PRKCA: variants seen among roughly 807,000 people sequenced by gnomAD.
PRKCA encodes the protein protein kinase C alpha type.
A neutral mutation model predicts 87.0 loss-of-function variants in PRKCA; 27 were observed. The observed-to-expected ratio is 0.31, with a 90% CI of 0.23 to 0.43. The LOEUF (loss-of-function observed/expected upper bound fraction) is 0.43, where lower values mean the gene tolerates loss of function less well. Ranked by LOEUF, PRKCA falls within the 20% of genes least tolerant of loss-of-function variation. The pLI, the probability that PRKCA is intolerant of heterozygous loss-of-function variation, is 1.00. For missense variants in PRKCA, 518 were observed against 852.3 expected, an observed-to-expected ratio of 0.61 and a Z score of 4.88; for synonymous variants, 329 against 311.1, an observed-to-expected ratio of 1.06 and a Z score of -0.61.
intron 13 of PRKCA, among the ~76,000 whole-genome samples, chr17:66,751,100 CAG>C (rs1974416777): frequency 6.6e-6 from 1 of 152,220 alleles, no homozygotes; most frequent in African/African-American, 2.4e-5. Flanking sequence ...AAAAGTGGGT[CAG>C]AGATTTCTGA....
chr17:66,780,174 A>G (rs1975171428), intron 14 of PRKCA, among the ~76,000 whole-genome samples: 1 of 152,152 alleles, frequency 6.6e-6, no homozygotes, highest in South Asian at 2.1e-4. Context: ...GAAGAAAACA[A>G]TGATATGCAC....
At chr17:66,682,414 C>T (rs1041036027) in intron 5 of PRKCA, among the ~76,000 whole-genome samples, 1 of 152,250 alleles carries the variant, frequency 6.6e-6, no homozygotes, top group Non-Finnish European at 1.5e-5. Context: ...TGGCCAGTGC[C>T]GTGGCACAGA....
intron 2 of PRKCA, among the ~76,000 whole-genome samples, chr17:66,434,720 G>A (rs1913282871): frequency 1.3e-5 from 2 of 152,158 alleles, no homozygotes; most frequent in Admixed American, 6.5e-5. Flanking sequence ...TCCTCGGCTT[G>A]TTAGCTGCAT....
At chr17:66,604,271 C>A (rs1488768261) in intron 3 of PRKCA, among the ~76,000 whole-genome samples, 2 of 151,702 alleles carry the variant, frequency 1.3e-5, no homozygotes, top group East Asian at 1.9e-4. Context: ...GCCTGGGAAA[C>A]AGGGAGGGTT....
intron 3 of PRKCA, among the ~76,000 whole-genome samples, chr17:66,543,359 T>A (rs1198078406): frequency 3.3e-5 from 5 of 152,226 alleles, no homozygotes; most frequent in Admixed American, 3.3e-4. Flanking sequence ...CTAGTCATTT[T>A]ATTATTTATA....
At chr17:66,473,011 A>T (rs1915387589) in intron 2 of PRKCA, among the ~76,000 whole-genome samples, 1 of 152,102 alleles carries the variant, frequency 6.6e-6, no homozygotes, top group South Asian at 2.1e-4. Context: ...AGCACCACCA[A>T]AAATAATAAC....
chr17:66,774,309 G>A, intron 14 of PRKCA: 1 of 1,348,192 alleles, frequency 7.4e-7, no homozygotes, highest in Non-Finnish European at 9.6e-7. Flanking sequence ...TGTAGACAGT[G>A]TCAGTTTCAC....
At position 66,671,429 on chromosome 17, in the gene PRKCA, C is replaced by T. The variant is rs58150004; in HGVS notation, c.530-15682C>T. ...AATCTCTCCAAGCCTCAGCTTTCCT[C>T]GTCTATAAAATGTGGATACCAAGTA... On this transcript the variant is annotated intron_variant, in intron 5 of 16. Transcript: ENST00000413366. 6.2e-3 allele frequency among the ~76,000 whole-genome samples: 943 copies of T among 152,048 alleles called. 11 individuals carry two copies. The highest frequency in any genetic ancestry group is 0.022 in the African/African-American group (911 of 41,430).
At chr17:66,746,770 T>C (rs1974298176) in intron 13 of PRKCA, among the ~76,000 whole-genome samples, 1 of 152,220 alleles carries the variant, frequency 6.6e-6, no homozygotes, top group South Asian at 2.1e-4. Flanking sequence ...CAGAGGGTCC[T>C]CTTTGCTTTG....
chr17:66,679,400 C>G (rs1972429902), intron 5 of PRKCA, among the ~76,000 whole-genome samples: 1 of 152,148 alleles, frequency 6.6e-6, no homozygotes, highest in African/African-American at 2.4e-5. Flanking sequence ...CCAGGATGGT[C>G]TCAATCTCCT....
intron 2 of PRKCA, among the ~76,000 whole-genome samples, chr17:66,410,700 C>T (rs1233326729): frequency 6.6e-6 from 1 of 151,996 alleles, no homozygotes; most frequent in African/African-American, 2.4e-5. Flanking sequence ...CTCAGCCTCC[C>T]GAGTAGCTGG....
chr17:66,741,709 G>C lies in PRKCA; in HGVS notation c.1373G>C (p.Gly458Ala), dbSNP rs916837548. 4.3e-6 allele frequency: 7 copies of C among 1,614,016 alleles called. No individual in the cohort carries two copies. In the Admixed American group the frequency reaches 6.7e-5, roughly 15 times the overall value. Residue 458 changes from glycine (G) to alanine (A), a missense_variant, in exon 12 of 17, where the codon GGA becomes GCA. By Grantham distance (60) the Gly-to-Ala change is moderately conservative. This residue lies in a region of PRKCA where 300 missense variants were observed against 496.8 expected (regional missense o/e 0.60). Coordinates refer to ENST00000413366, the MANE Select transcript of PRKCA (RefSeq NM_002737.3). ...SIGLFFLHKR[G>A]IIYRDLKLDN... is the part of the protein sequence containing the mutation. ...GGATTGTTCTTTCTTCATAAAAGAG[G>C]AATCATTTATAGGTGTGTATTGAAG...
intron 3 of PRKCA, among the ~76,000 whole-genome samples, chr17:66,547,226 T>C (rs1567890474): frequency 6.6e-6 from 1 of 152,192 alleles, no homozygotes; most frequent in Non-Finnish European, 1.5e-5. Flanking sequence ...CCTCCACTTA[T>C]CTTTCAAACA....
At chr17:66,543,705 T>C (rs1195356642) in intron 3 of PRKCA, among the ~76,000 whole-genome samples, 2 of 152,162 alleles carry the variant, frequency 1.3e-5, no homozygotes, top group East Asian at 1.9e-4. Context: ...GAAGACAGAA[T>C]TGAACATTGT....
chr17:66,639,911 C>T (rs750808584), intron 3 of PRKCA, among the ~76,000 whole-genome samples: 21 of 152,058 alleles, frequency 1.4e-4, no homozygotes, highest in Admixed American at 2.6e-4. Flanking sequence ...AGGAGAATCG[C>T]TTGAACCTGG....
chr17:66,389,005 G>A (rs1012700041), intron 2 of PRKCA, among the ~76,000 whole-genome samples: 6 of 152,220 alleles, frequency 3.9e-5, no homozygotes, highest in African/African-American at 1.4e-4. Context: ...TGAATTCGTG[G>A]ACATTGATGG....
chr17:66,354,894 A>G (rs751955851), intron 2 of PRKCA, among the ~76,000 whole-genome samples: 1 of 152,150 alleles, frequency 6.6e-6, no homozygotes, highest in Non-Finnish European at 1.5e-5. Context: ...TAGTACAATC[A>G]GGGGAGAACA....
At chr17:66,697,633 A>C (rs1243412518) in intron 8 of PRKCA, among the ~76,000 whole-genome samples, 1 of 152,068 alleles carries the variant, frequency 6.6e-6, no homozygotes, top group African/African-American at 2.4e-5. Flanking sequence ...TTCTCACCTC[A>C]CCCAGATTGC....
rs1213076129 is a variant in PRKCA at position 66,403,229 on chromosome 17, A to G, written c.206-92972A>G. Among the ~76,000 whole-genome samples, 13 of 152,338 alleles carry G rather than the reference A, an allele frequency of 8.5e-5. No individual in the cohort carries two copies. In the East Asian group the frequency reaches 2.5e-3, roughly 29 times the overall value. On this transcript the variant is annotated intron_variant, in intron 2 of 16. Transcript: ENST00000413366. ...TTGTTGCAATGTGGTTTAATATTAC[A>G]TGTTTTAAAAGCTAAGAAGCTCCTA...
Sources: gnomAD v4.1 joint callset for allele counts (sites outside exome capture counted in the v4.1 genomes callset) on GRCh38, gnomAD v4.1.1 for gene constraint, gnomAD v4.1.1 regional missense constraint, MANE v1.5 for transcripts, NCBI Gene and HGNC (gene_info 2026-07-23, HGNC 2026-07-21) for gene names.